The following CACNB4 variants were observed in gnomAD, a reference collection of about 807,000 sequenced individuals.
The protein encoded by CACNB4 is voltage-dependent L-type calcium channel subunit beta-4.
A neutral mutation model predicts 71.2 loss-of-function variants in CACNB4; 32 were observed. The ratio of observed to expected loss-of-function variants is 0.45; its 90% CI spans 0.34 to 0.60. The LOEUF is 0.60. Among genes scored for constraint, CACNB4 ranks in the 20% least tolerant of loss-of-function variants. The pLI, the probability that CACNB4 is intolerant of heterozygous loss-of-function variation, is 0.01. For missense variants in CACNB4, 464 were observed against 647.9 expected (o/e 0.72, Z 3.08); for synonymous variants, 231 against 236.9 (o/e 0.97, Z 0.23).
At chr2:151,844,148 G>T (rs114767466) in intron 12 of CACNB4, among the ~76,000 whole-genome samples, 1,638 of 152,254 alleles carry the variant, frequency 0.011, 30 homozygotes, top group African/African-American at 0.038. Flanking sequence ...GGCACTGTGG[G>T]TATACAGTGG....
chr2:151,844,671 C>T lies in CACNB4; in HGVS notation c.1117-2583G>A, dbSNP rs557161190. Among the ~76,000 whole-genome samples the T allele has an allele frequency of 9.2e-5, 14 of 152,264 alleles. No individual in the cohort carries two copies. In the South Asian group the frequency reaches 2.1e-3, roughly 23 times the overall value. On this transcript the variant is annotated intron_variant, in intron 12 of 13. Coordinates refer to ENST00000539935, the MANE Select transcript of CACNB4 (RefSeq NM_000726.5). ...GATGCTTTGACATAAATAGAGGCAT[C>T]GAGGTGCTGACTTGAGTGAGACAAG... is the stretch of plus-strand genomic sequence containing the variant.
intron 4 of CACNB4, among the ~76,000 whole-genome samples, chr2:151,877,351 T>C (rs2151433938): frequency 6.6e-6 from 1 of 151,984 alleles, no homozygotes; most frequent in East Asian, 1.9e-4. Context: ...AAAAAGAGAG[T>C]GGGTCAGACT....
chr2:151,937,552 T>C (rs2099863217), intron 2 of CACNB4, among the ~76,000 whole-genome samples: 1 of 152,222 alleles, frequency 6.6e-6, no homozygotes, highest in Admixed American at 6.5e-5. Flanking sequence ...TATTCTGGAA[T>C]GGTACCAGCT....
intron 11 of CACNB4, chr2:151,854,616 C>G (rs2099839814): frequency 6.6e-6 from 1 of 152,124 alleles, no homozygotes; most frequent in African/African-American, 2.4e-5. Flanking sequence ...AAAGAACACC[C>G]AAATCAAAAG....
Position 151,880,885 on chromosome 2 carries a change from C to T in CACNB4, c.305G>A (p.Ser102Asn), listed in dbSNP as rs775323712. 1.2e-6 allele frequency: 2 copies of T among 1,613,484 alleles called. No homozygotes were observed. The highest frequency in any genetic ancestry group is 1.7e-6 in the Non-Finnish European group (2 of 1,179,626). The change falls in exon 4 of 14, where the codon AGC becomes AAC. Residue 102 changes from serine to asparagine, a missense_variant. Coordinates refer to ENST00000539935, the MANE Select transcript of CACNB4 (RefSeq NM_000726.5). ...PVAFAVKTNV[S>N]YCGALDEDVP... ...ATCCTCGTCCAGGGCGCCGCAGTAG[C>T]TCACATTTGTCTTCACGGCAAATGC...
chr2:151,961,510 A>T (rs1013753441), intron 2 of CACNB4, among the ~76,000 whole-genome samples: 1 of 152,240 alleles, frequency 6.6e-6, no homozygotes, highest in Non-Finnish European at 1.5e-5. Flanking sequence ...CTATTCCCAC[A>T]TATGAAAGCC....
intron 2 of CACNB4, among the ~76,000 whole-genome samples, chr2:152,007,345 A>AG (rs1195963098): frequency 1.3e-5 from 2 of 152,108 alleles, no homozygotes; most frequent in Non-Finnish European, 2.9e-5. Flanking sequence ...TCAAAAAGAA[A>AG]CTCTGTACCC....
Position 151,834,799 on chromosome 2 carries a change from C to T in CACNB4, c.*4320G>A, listed in dbSNP as rs995214038. The T allele has an allele frequency of 1.3e-5, 2 of 151,726 alleles. No homozygotes were observed. Among genetic ancestry groups the T allele is most frequent in the African/African-American group, 4.8e-5 (2 of 41,330 alleles). 9.4% of individuals were successfully genotyped at this position (151,726 alleles called of 1,614,324 possible). A position where few individuals can be genotyped will look rare whatever the true frequency, so the allele number is the denominator to read the frequency against. ...AACTTACTAACAGTTATAGTATTGA[C>T]AGTATTTAAAGGTATGAGAAACTAA... On this transcript the variant is annotated 3_prime_UTR_variant, in exon 14 of 14. Coordinates refer to ENST00000539935, the MANE Select transcript of CACNB4 (RefSeq NM_000726.5).
chr2:151,898,856 G>A (rs779456863), intron 2 of CACNB4, among the ~76,000 whole-genome samples: 24 of 152,224 alleles, frequency 1.6e-4, no homozygotes, highest in Non-Finnish European at 2.8e-4. Context: ...GGCTGGGTGT[G>A]ATGATGGGCA....
intron 2 of CACNB4, among the ~76,000 whole-genome samples, chr2:151,900,418 T>C (rs115598218): frequency 6.4e-4 from 97 of 152,248 alleles, no homozygotes; most frequent in African/African-American, 2.2e-3. Context: ...CATGATCTGC[T>C]GGGGGCAGAG....
Position 151,937,187 on chromosome 2 carries a change from G to A in CACNB4, c.148-53817C>T, listed in dbSNP as rs567653716. 3.3e-5 allele frequency among the ~76,000 whole-genome samples: 5 copies of A among 152,266 alleles called. No homozygotes were observed. The South Asian group carries it at 1.0e-3, about 32-fold the overall frequency. On this transcript the variant is annotated intron_variant, in intron 2 of 13. Transcript: ENST00000539935. ...TTTCAATGAATTCCTATCCGAGCAGGCCTTGTAAGTGGCTGGGTGTAATAA... is the reference window on the plus strand; with the variant it reads ...TTTCAATGAATTCCTATCCGAGCAGACCTTGTAAGTGGCTGGGTGTAATAA...
intron 2 of CACNB4, among the ~76,000 whole-genome samples, chr2:152,097,859 T>G (rs1221526867): frequency 6.6e-6 from 1 of 152,208 alleles, no homozygotes; most frequent in Non-Finnish European, 1.5e-5. Context: ...GACCGGAGCT[T>G]GACGATCTCT....
At chr2:152,080,797 T>C (rs995251668) in intron 2 of CACNB4, among the ~76,000 whole-genome samples, 1 of 152,178 alleles carries the variant, frequency 6.6e-6, no homozygotes, top group African/African-American at 2.4e-5. Context: ...CCCTCATGAA[T>C]GTCTTGGTGC....
chr2:152,009,405 AG>A (rs1682930230), intron 2 of CACNB4, among the ~76,000 whole-genome samples: 1 of 152,222 alleles, frequency 6.6e-6, no homozygotes, highest in Non-Finnish European at 1.5e-5. Flanking sequence ...GGTAAAAGGT[AG>A]GGAAATCTGA....
chr2:152,090,909 G>A (rs1307115032), intron 2 of CACNB4, among the ~76,000 whole-genome samples: 1 of 151,244 alleles, frequency 6.6e-6, no homozygotes, highest in Non-Finnish European at 1.5e-5. Flanking sequence ...AGCCAGGCAT[G>A]TTGGCAGTCC....
intron 2 of CACNB4, among the ~76,000 whole-genome samples, chr2:152,065,934 C>T (rs1458452678): frequency 1.3e-5 from 2 of 152,066 alleles, no homozygotes; most frequent in African/African-American, 4.8e-5. Context: ...TTTAAAGTAA[C>T]ACTATTCTTG....
In CACNB4 at chr2:151,853,398, C is replaced by A. The variant is rs766350450; in HGVS notation, c.1116+50G>T. 3.8e-6 allele frequency: 4 copies of A among 1,065,926 alleles called. 1 individual carries two copies. The East Asian group carries it at 8.1e-5, about 22-fold the overall frequency. The allele number at this position is 1,065,926 out of a possible 1,614,324, so 66.0% of individuals were successfully genotyped here. A position where few individuals can be genotyped will look rare whatever the true frequency, so the allele number is the denominator to read the frequency against. On this transcript the variant is annotated intron_variant, in intron 12 of 13. Coordinates refer to ENST00000539935, the MANE Select transcript of CACNB4 (RefSeq NM_000726.5). ...ACAATATGAAGAAAAAAAAACCCACCCTCTTCTAACTAGTCAAGAATGATG... is the reference window on the plus strand; with the variant it reads ...ACAATATGAAGAAAAAAAAACCCACACTCTTCTAACTAGTCAAGAATGATG...
rs1178616082 is a variant in CACNB4, at chr2:151,875,742, C to T, written c.521+684G>A. 5.2e-5 allele frequency among the ~76,000 whole-genome samples: 5 copies of T among 96,532 alleles called. 1 individual carries two copies. The highest frequency in any genetic ancestry group is 9.1e-5 in the African/African-American group (2 of 22,088). 63.3% of individuals were successfully genotyped at this position (96,532 alleles called of 152,430 possible). ...GGGGCTCCTCACTTCCCAGTAGGGG[C>T]GGCCGGGCAGAGGCACCCCTCACCT... On this transcript the variant is annotated intron_variant, in intron 5 of 13. Transcript: ENST00000539935.
intron 2 of CACNB4, among the ~76,000 whole-genome samples, chr2:151,913,594 T>C (rs745554498): frequency 1.3e-5 from 2 of 151,622 alleles, no homozygotes; most frequent in East Asian, 1.9e-4. Context: ...TGAAAACCCA[T>C]CTCTACTAAA....
Sources: allele counts gnomAD v4.1 joint callset (sites outside exome capture counted in the v4.1 genomes callset), GRCh38; gene constraint gnomAD v4.1.1; transcripts MANE v1.5; gene names NCBI Gene and HGNC (gene_info 2026-07-23, HGNC 2026-07-21).